Variants in AGAP1 observed in about 807,000 individuals in gnomAD.
AGAP1 encodes ArfGAP with GTPase domain, ankyrin repeat and PH domain 1.
A neutral mutation model predicts 105.3 loss-of-function variants in AGAP1; 29 were observed. The ratio of observed to expected loss-of-function variants is 0.28; its 90% CI spans 0.21 to 0.38. The LOEUF is 0.38. Ranked by LOEUF, AGAP1 falls within the 10% of genes least tolerant of loss-of-function variation. The pLI is 1.00. For synonymous variants in AGAP1, 509 were observed against 485.9 expected (o/e 1.05, Z -0.63); for missense variants, 998 against 1,165.1 (o/e 0.86, Z 2.09).
In AGAP1 at chr2:235,904,253, C is replaced by A. The variant is rs897090263; in HGVS notation, c.1156-4485C>A. 6.6e-6 allele frequency among the ~76,000 whole-genome samples: 1 copy of A among 152,132 alleles called. No homozygotes were observed. The highest frequency in any genetic ancestry group is 2.4e-5 in the African/African-American group (1 of 41,422). On this transcript the variant is annotated intron_variant, in intron 10 of 17. Transcript: ENST00000304032. The surrounding 1 kb of genome is among the most constrained non-coding windows in gnomAD (Gnocchi z 4.2). ...AAAAAACAAGGGATGGCAAAGGTGC[C>A]GGAGCAGGGTTGCAGGGGGACAGCG...
At chr2:235,814,176 C>G (rs1043906840) in intron 9 of AGAP1, among the ~76,000 whole-genome samples, 1 of 152,236 alleles carries the variant, frequency 6.6e-6, no homozygotes, top group Non-Finnish European at 1.5e-5. Context: ...AATGCCTGTC[C>G]TCGCCTATGT....
intron 16 of AGAP1, among the ~76,000 whole-genome samples, chr2:236,108,893 T>C (rs1276547561): frequency 6.6e-6 from 1 of 152,150 alleles, no homozygotes; most frequent in Non-Finnish European, 1.5e-5. Context: ...CACAAGACAG[T>C]GCTGAAAGGC....
chr2:235,867,711 C>G lies in AGAP1; in HGVS notation c.1051-15634C>G, dbSNP rs2049247924. On this transcript the variant is annotated intron_variant, in intron 9 of 17. Transcript: ENST00000304032. This position sits in a 1 kb window ranked among gnomAD's most constrained non-coding sequence, Gnocchi z 5.4. ...TAATGAGAGGGCAAAAGCAAGATGA[C>G]TAAGTGTTCGTTACGGAAAAGTGGG... 6.6e-6 allele frequency among the ~76,000 whole-genome samples: 1 copy of G among 152,122 alleles called. No individual in the cohort carries two copies. The highest frequency in any genetic ancestry group is 6.5e-5 in the Admixed American group (1 of 15,272).
intron 8 of AGAP1, among the ~76,000 whole-genome samples, chr2:235,805,469 A>G (rs1425811163): frequency 6.6e-6 from 1 of 152,334 alleles, no homozygotes; most frequent in Admixed American, 6.5e-5. Context: ...ATTAACCAGA[A>G]TAATGAAGAT....
At chr2:236,071,192 C>T (rs2058486342) in intron 16 of AGAP1, among the ~76,000 whole-genome samples, 1 of 152,214 alleles carries the variant, frequency 6.6e-6, no homozygotes, top group Non-Finnish European at 1.5e-5. Flanking sequence ...CCGAATAATC[C>T]TTTTTAGAAA....
Position 235,792,775 on chromosome 2 carries a change from G to T in AGAP1, c.674-4984G>T, listed in dbSNP as rs1431543481. Among the ~76,000 whole-genome samples, 1 of 152,146 alleles carries T rather than the reference G, an allele frequency of 6.6e-6. No individual in the cohort carries two copies. The highest frequency in any genetic ancestry group is 1.5e-5 in the Non-Finnish European group (1 of 68,022). ...CAGGCTGGGCGGCGCGGACTTGAAG[G>T]CGCCTCTAGCAGATCCAAGGGGAGA... On this transcript the variant is annotated intron_variant, in intron 6 of 17. Transcript: ENST00000304032. The surrounding 1 kb of genome is among the most constrained non-coding windows in gnomAD (Gnocchi z 5.3).
rs189037839 is a variant in AGAP1 at position 235,701,628 on chromosome 2, A to G, written c.164-7551A>G. ...TTATTTCATTTATTATAGGGATTCA[A>G]GGATTTCCAAATAAGAAATTAAATC... On this transcript the variant is annotated intron_variant, in intron 1 of 17. Coordinates refer to ENST00000304032, the MANE Select transcript of AGAP1 (RefSeq NM_001037131.3). The surrounding 1 kb of genome is among the most constrained non-coding windows in gnomAD (Gnocchi z 4.1). Among the ~76,000 whole-genome samples the G allele has an allele frequency of 8.8e-4, 134 of 152,352 alleles. 1 individual carries two copies. Among genetic ancestry groups the G allele is most frequent in the African/African-American group, 2.9e-3 (122 of 41,582 alleles).
rs113700706 is a variant in AGAP1 at position 236,109,050 on chromosome 2, A to G, written c.2115-11142A>G. ...TGGCTGTGTGAGACCTCATCTTTGC[A>G]GCTCTCAAATGCATGAGGAACAGAG... On this transcript the variant is annotated intron_variant, in intron 16 of 17. Coordinates refer to ENST00000304032, the MANE Select transcript of AGAP1 (RefSeq NM_001037131.3). This position sits in a 1 kb window ranked among gnomAD's most constrained non-coding sequence, Gnocchi z 5.4. 3.1e-3 allele frequency among the ~76,000 whole-genome samples: 478 copies of G among 152,350 alleles called. 3 individuals are homozygous for G. Among genetic ancestry groups the G allele is most frequent in the African/African-American group, 0.011 (455 of 41,580 alleles).
intron 1 of AGAP1, chr2:235,670,337 G>A: frequency 2.0e-6 from 1 of 489,130 alleles, no homozygotes; most frequent in Non-Finnish European, 3.6e-6. Flanking sequence ...GGAGGGCGCC[G>A]AGGAACCGGA....
chr2:235,584,159 A>G (rs888735480), intron 1 of AGAP1, among the ~76,000 whole-genome samples: 92 of 149,822 alleles, frequency 6.1e-4, no homozygotes, highest in African/African-American at 2.1e-3. Context: ...GCCTTGCCTC[A>G]CTAAGAACTT....
chr2:235,833,445 T>G (rs1959699317), intron 9 of AGAP1, among the ~76,000 whole-genome samples: 1 of 152,146 alleles, frequency 6.6e-6, no homozygotes, highest in South Asian at 2.1e-4. Context: ...CCCCATAGTT[T>G]GCACCCCTGT....
chr2:236,086,640 A>G (rs558232574), intron 16 of AGAP1, among the ~76,000 whole-genome samples: 4 of 152,320 alleles, frequency 2.6e-5, no homozygotes, highest in African/African-American at 9.6e-5. Flanking sequence ...ACATTCCAAA[A>G]AATTTTCAAC....
rs141894800 is a variant in AGAP1 at position 235,734,948 on chromosome 2, T to C, written c.311-6015T>C. ...GAGTGGATTTGGGTGTTGCCAGTGA[T>C]GTTTGCGTCATAAGATGGGGTGAGG... On this transcript the variant is annotated intron_variant, in intron 3 of 17. Transcript: ENST00000304032. The surrounding 1 kb of genome is among the most constrained non-coding windows in gnomAD (Gnocchi z 5.3). Among the ~76,000 whole-genome samples, 227 of 125,670 alleles carry C rather than the reference T, an allele frequency of 1.8e-3. 1 individual carries two copies. The highest frequency in any genetic ancestry group is 5.0e-3 in the African/African-American group (198 of 39,346). The allele number at this position is 125,670 out of a possible 152,430, so 82.4% of individuals were successfully genotyped here.
Position 236,050,017 on chromosome 2 carries a change from T to C in AGAP1, c.2114+736T>C, listed in dbSNP as rs1233679412. Among the ~76,000 whole-genome samples, 4 of 152,204 alleles carry C rather than the reference T, an allele frequency of 2.6e-5. No homozygotes were observed. Among genetic ancestry groups the C allele is most frequent in the African/African-American group, 9.7e-5 (4 of 41,448 alleles). On this transcript the variant is annotated intron_variant, in intron 16 of 17. Coordinates refer to ENST00000304032, the MANE Select transcript of AGAP1 (RefSeq NM_001037131.3). This position sits in a 1 kb window ranked among gnomAD's most constrained non-coding sequence, Gnocchi z 4.0. ...GTCTAAAGCAAGTGGCTTCCAGGGTTGCTCATTTTCACCCACAATAGGAAG... is the reference window on the plus strand; with the variant it reads ...GTCTAAAGCAAGTGGCTTCCAGGGTCGCTCATTTTCACCCACAATAGGAAG...
intron 1 of AGAP1, among the ~76,000 whole-genome samples, chr2:235,629,268 T>TTGTGTGTGTG (rs60059513): frequency 2.4e-4 from 32 of 135,808 alleles, no homozygotes; most frequent in South Asian, 7.7e-4. Flanking sequence ...GTAGTAGTCA[T>TTGTGTGTGTG]TGTGTGTGTG....
intron 1 of AGAP1, among the ~76,000 whole-genome samples, chr2:235,573,706 G>T (rs142369216): frequency 6.6e-6 from 1 of 151,490 alleles, no homozygotes; most frequent in East Asian, 1.9e-4. Context: ...GCATGAGTGC[G>T]CCCCATGAGT....
At chr2:235,760,664 C>T (rs1453221854) in intron 6 of AGAP1, among the ~76,000 whole-genome samples, 1 of 152,216 alleles carries the variant, frequency 6.6e-6, no homozygotes, top group Non-Finnish European at 1.5e-5. Context: ...TAGCTCACTG[C>T]AGTTTCAGAC....
At chr2:236,081,516 A>C (rs1222939630) in intron 16 of AGAP1, among the ~76,000 whole-genome samples, 1 of 152,220 alleles carries the variant, frequency 6.6e-6, no homozygotes. Flanking sequence ...ACTTGCAGAC[A>C]GAAGTCACGC....
chr2:235,506,484 G>A (rs1260615461), intron 1 of AGAP1, among the ~76,000 whole-genome samples: 6 of 151,488 alleles, frequency 4.0e-5, no homozygotes, highest in East Asian at 2.0e-4. Flanking sequence ...GCATCACTGC[G>A]CTCCACCCTG....
Sources: gnomAD v4.1 joint callset for allele counts (sites outside exome capture counted in the v4.1 genomes callset) on GRCh38, gnomAD v4.1.1 for gene constraint, Gnocchi (gnomAD v3.1) non-coding constraint, MANE v1.5 for transcripts, NCBI Gene and HGNC (gene_info 2026-07-23, HGNC 2026-07-21) for gene names.